Variants in LAMP5 observed in about 807,000 individuals in gnomAD.
LAMP5 encodes lysosome-associated membrane glycoprotein 5.
In LAMP5, 36 loss-of-function variants were observed where a neutral mutation model predicts 30.2. The ratio of observed to expected loss-of-function variants is 1.19; its 90% CI spans 0.91 to 1.57. LAMP5 has a LOEUF of 1.57. LAMP5 is among the 40% of genes most tolerant of loss of function. The pLI, the probability that LAMP5 is intolerant of heterozygous loss-of-function variation, is 0.00. For synonymous variants in LAMP5, 149 were observed against 134.6 expected (o/e 1.11, Z -0.74); for missense variants, 377 against 354.9 (o/e 1.06, Z -0.50).
intron 1 of LAMP5, 87 bp downstream of exon 1, chr20:9,515,003 TA>T: frequency 8.2e-7 from 1 of 1,213,144 alleles, no homozygotes; most frequent in Non-Finnish European, 1.2e-6. Context: ...TAGCTTGAGA[TA>T]AAAAATATGG....
At chr20:9,527,010 A>G (rs1350194216) in intron 5 of LAMP5, among the ~76,000 whole-genome samples, 1 of 151,562 alleles carries the variant, frequency 6.6e-6, no homozygotes, top group Non-Finnish European at 1.5e-5. Flanking sequence ...ACCACAATCA[A>G]GAAATCAACA....
At chr20:9,522,804 T>C (rs745392940) in intron 5 of LAMP5, among the ~76,000 whole-genome samples, 1 of 152,260 alleles carries the variant, frequency 6.6e-6, no homozygotes, top group Non-Finnish European at 1.5e-5. Flanking sequence ...GAATGGACAG[T>C]GTCTGTGTCC....
Position 9,516,346 on chromosome 20 carries a change from A to G in LAMP5, c.460A>G (p.Lys154Glu), listed in dbSNP as rs1458514359. 1 of 1,614,008 alleles carries G rather than the reference A, an allele frequency of 6.2e-7. No individual in the cohort carries two copies. The highest frequency in any genetic ancestry group is 1.1e-5 in the South Asian group (1 of 91,084). ...CGACTCCTCGGAGAAAACCCACTTC[A>G]AAGACGCAGTCAGTGGTGAGTGGAG... ...VYDSSEKTHF[K>E]DAVSAGKHTA... Residue 154 changes from lysine to glutamate, a missense_variant, in exon 4 of 6, where the codon AAA becomes GAA. By Grantham distance (56) the Lys-to-Glu change is moderately conservative. Transcript: ENST00000246070.
In LAMP5 at chr20:9,514,969, C is replaced by G. The variant is rs561573885; in HGVS notation, c.64+53C>G. 16 of 1,497,420 alleles carry G rather than the reference C, an allele frequency of 1.1e-5. No homozygotes were observed. In the South Asian group the frequency reaches 1.1e-4, roughly 11 times the overall value. 92.8% of individuals were successfully genotyped at this position (1,497,420 alleles called of 1,614,324 possible). On this transcript the variant is annotated intron_variant, in intron 1 of 5. Transcript: ENST00000246070. ...GAGGACGGGCACTCTTTGCAGAGAACAGAGCCGGCAAAGTAAAGTCAATTA... is the reference window on the plus strand; with the variant it reads ...GAGGACGGGCACTCTTTGCAGAGAAGAGAGCCGGCAAAGTAAAGTCAATTA...
intron 5 of LAMP5, among the ~76,000 whole-genome samples, chr20:9,520,331 G>A (rs2045070903): frequency 6.6e-6 from 1 of 152,110 alleles, no homozygotes; most frequent in Admixed American, 6.6e-5. Flanking sequence ...TTTGTTCCTG[G>A]CTCCTCCCTT....
intron 5 of LAMP5, among the ~76,000 whole-genome samples, chr20:9,527,722 G>A (rs1288454388): frequency 6.6e-6 from 1 of 152,172 alleles, no homozygotes; most frequent in Non-Finnish European, 1.5e-5. Context: ...TAGTTTCTAG[G>A]AATATAATTC....
chr20:9,516,215 C>G (rs763014235), intron 3 of LAMP5, 41 bp from the exon 4 acceptor site: 1 of 1,605,318 alleles, frequency 6.2e-7, no homozygotes, highest in Admixed American at 1.7e-5. Flanking sequence ...AGAACCCAGA[C>G]GCTGCGGGGA....
intron 4 of LAMP5, among the ~76,000 whole-genome samples, chr20:9,516,666 T>C (rs1482224510): frequency 6.6e-6 from 1 of 152,194 alleles, no homozygotes; most frequent in Non-Finnish European, 1.5e-5. Context: ...TCTTATGATT[T>C]GGCCTTTGAA....
intron 5 of LAMP5, among the ~76,000 whole-genome samples, chr20:9,521,078 T>G (rs906667312): frequency 1.3e-5 from 2 of 152,074 alleles, no homozygotes; most frequent in African/African-American, 2.4e-5. Flanking sequence ...ACAATAAGCT[T>G]CATTGGGTGA....
intron 4 of LAMP5, among the ~76,000 whole-genome samples, chr20:9,517,768 A>G (rs2045051470): frequency 6.6e-6 from 1 of 152,154 alleles, no homozygotes; most frequent in Non-Finnish European, 1.5e-5. Context: ...CCTAGGTTTT[A>G]TACAGTAACA....
chr20:9,516,438 T>TTTTGGA, intron 4 of LAMP5, 77 bp downstream of exon 4: 1 of 1,258,752 alleles, frequency 7.9e-7, no homozygotes, highest in Non-Finnish European at 1.2e-6. Context: ...TTCCTCAAGG[T>TTTTGGA]TTTGGAAACC....
At position 9,518,928 on chromosome 20, in the gene LAMP5, G is replaced by A. The variant is rs116952239; in HGVS notation, c.664+700G>A. On this transcript the variant is annotated intron_variant, in intron 5 of 5. Transcript: ENST00000246070. ...GGGAAGGGTACCTGAAGGCTGAGCC[G>A]TTTAAGGCCAGCTGCTTCTGCTGAG... is the stretch of plus-strand genomic sequence containing the variant. Among the ~76,000 whole-genome samples, 996 of 152,302 alleles carry A rather than the reference G, an allele frequency of 6.5e-3. 34 individuals carry two copies. In the East Asian group the frequency reaches 0.1, roughly 15 times the overall value.
intron 5 of LAMP5, 108 bp downstream of exon 5, chr20:9,518,336 T>A: frequency 3.3e-6 from 3 of 909,412 alleles, no homozygotes. Flanking sequence ...TCCTCTAGGT[T>A]GAAATGACAC....
rs148870783 is a variant in LAMP5, at chr20:9,515,638, T to TC, written c.237+21dup. Reference sequence around the variant, plus strand: ...CAACTACGTAGATGTAAGGAATCTTTCCCCCCCCTCAGCTTGCTCCTAGGG... The same window carrying TC: ...CAACTACGTAGATGTAAGGAATCTTTCCCCCCCCCTCAGCTTGCTCCTAGGG... On this transcript the variant is annotated intron_variant, in intron 2 of 5. Transcript: ENST00000246070. 259,684 of 1,602,262 alleles carry TC rather than the reference T, an allele frequency of 0.16. 20,323 individuals are homozygous for TC. The highest frequency in any genetic ancestry group is 0.17 in the Non-Finnish European group (202,014 of 1,173,200).
chr20:9,520,998 A>G (rs2283635), intron 5 of LAMP5, among the ~76,000 whole-genome samples: 64,405 of 152,004 alleles, frequency 0.42, 16,040 homozygotes, highest in African/African-American at 0.7. Flanking sequence ...AAGAAGCTCC[A>G]TTGCTAGCAA....
In LAMP5 at chr20:9,529,907, A is replaced by G; in HGVS notation, c.*87A>G. On this transcript the variant is annotated 3_prime_UTR_variant, in exon 6 of 6. Coordinates refer to ENST00000246070, the MANE Select transcript of LAMP5 (RefSeq NM_012261.4). ...AGCACTTTTCCATCTTGTACACGAG[A>G]TACACCAACATAGCTACAATCAAAC... is the stretch of plus-strand genomic sequence containing the variant. The G allele has an allele frequency of 7.7e-7, 1 of 1,299,140 alleles. No individual in the cohort carries two copies. Among genetic ancestry groups the G allele is most frequent in the Non-Finnish European group, 1.1e-6 (1 of 922,282 alleles). 80.5% of individuals were successfully genotyped at this position (1,299,140 alleles called of 1,614,324 possible).
In LAMP5 at chr20:9,516,011, A is replaced by G. The variant is rs2045035074; in HGVS notation, c.249A>G (p.Glu83=). 3 of 1,521,366 alleles carry G rather than the reference A, an allele frequency of 2.0e-6. No individual in the cohort carries two copies. The East Asian group carries it at 6.8e-5, about 35-fold the overall frequency. 94.2% of individuals were successfully genotyped at this position (1,521,366 alleles called of 1,614,324 possible). Residue 83 remains glutamate, a synonymous_variant, in exon 3 of 6, where the codon GAA becomes GAG. Transcript: ENST00000246070. The part of the protein sequence containing the change: ...WASNYVDLIT[E]QADIALTRGA... ...GTCTGTGTTCCCAGCTGATCACAGA[A>G]CAGGCCGATATCGCATTGACCCGGG...
rs533923625 is a variant in LAMP5, at chr20:9,522,131, C to T, written c.664+3903C>T. ...CCTTAGTATCTCAGGGCCACAGCTG[C>T]TCCTGCTGAGTAGCTGTAATCAACA... On this transcript the variant is annotated intron_variant, in intron 5 of 5. Transcript: ENST00000246070. 1.4e-4 allele frequency among the ~76,000 whole-genome samples: 21 copies of T among 152,270 alleles called. No homozygotes were observed. The South Asian group carries it at 3.5e-3, about 26-fold the overall frequency.
chr20:9,515,779 T>C (rs968746), intron 2 of LAMP5, among the ~76,000 whole-genome samples, 154 bp downstream of exon 2: 21,659 of 152,262 alleles, frequency 0.14, 1,685 homozygotes, highest in Non-Finnish European at 0.17. Flanking sequence ...CAGCTTGTAA[T>C]GCCTTCTGTT....
Sources: allele counts gnomAD v4.1 joint callset (sites outside exome capture counted in the v4.1 genomes callset), GRCh38; gene constraint gnomAD v4.1.1; transcripts MANE v1.5; gene names NCBI Gene and HGNC (gene_info 2026-07-23, HGNC 2026-07-21).